The following SCHIP1 variants were observed in gnomAD, a reference collection of about 807,000 sequenced individuals.
The protein encoded by SCHIP1 is schwannomin interacting protein 1.
SCHIP1 carries 8 observed loss-of-function variants against 29.7 expected under a neutral mutation model. The observed-to-expected ratio is 0.27, with a 90% confidence interval of 0.16 to 0.49. The LOEUF (loss-of-function observed/expected upper bound fraction) is 0.49, where lower values mean the gene tolerates loss of function less well. SCHIP1 is among the 20% of genes least tolerant of loss of function. The pLI is 0.99. For missense variants in SCHIP1, 193 were observed against 294.6 expected (o/e 0.66, Z 2.52); for synonymous variants, 76 against 94.9 (o/e 0.80, Z 1.16).
chr3:159,329,352 T>C, the SCHIP1 span, among the ~76,000 whole-genome samples: 1 of 152,156 alleles, frequency 6.6e-6, no homozygotes, highest in Non-Finnish European at 1.5e-5. Context: ...GAATGAGTGC[T>C]TAAAAGCAGA....
the SCHIP1 span, among the ~76,000 whole-genome samples, chr3:159,778,808 G>A: frequency 6.6e-6 from 1 of 152,202 alleles, no homozygotes; most frequent in South Asian, 2.1e-4. Flanking sequence ...TGTCTCTGGA[G>A]AAGACAGATG....
the SCHIP1 span, among the ~76,000 whole-genome samples, chr3:159,713,206 AAGAG>A: frequency 5.9e-3 from 834 of 140,496 alleles, 16 homozygotes; most frequent in African/African-American, 0.02. Context: ...GAAAGAAAGA[AAGAG>A]AGAGAGAGAG....
the SCHIP1 span, among the ~76,000 whole-genome samples, chr3:159,374,587 G>A: frequency 6.6e-6 from 1 of 152,038 alleles, no homozygotes; most frequent in African/African-American, 2.4e-5. Context: ...ATCAATTCAT[G>A]CACCAAAAAT....
At chr3:159,364,353 A>G in the SCHIP1 span, among the ~76,000 whole-genome samples, 1 of 152,174 alleles carries the variant, frequency 6.6e-6, no homozygotes, top group Non-Finnish European at 1.5e-5. Flanking sequence ...TTTGTGGCCT[A>G]GAATATATGG....
chr3:159,794,987 A>G, the SCHIP1 span, among the ~76,000 whole-genome samples: 1 of 152,112 alleles, frequency 6.6e-6, no homozygotes, highest in Non-Finnish European at 1.5e-5. Context: ...GGGGACTCTG[A>G]CCTCTATCAC....
At chr3:159,318,070 C>G in the SCHIP1 span, among the ~76,000 whole-genome samples, 1 of 152,056 alleles carries the variant, frequency 6.6e-6, no homozygotes, top group Non-Finnish European at 1.5e-5. Context: ...GCTGCTGAGC[C>G]CATGTGTAAC....
At chr3:159,688,980 A>C in the SCHIP1 span, among the ~76,000 whole-genome samples, 1 of 152,154 alleles carries the variant, frequency 6.6e-6, no homozygotes, top group African/African-American at 2.4e-5. Flanking sequence ...TACCAGTACT[A>C]TGCTGTTTTG....
At chr3:159,284,432 TAATTAATACA>T in the SCHIP1 span, among the ~76,000 whole-genome samples, 1 of 152,204 alleles carries the variant, frequency 6.6e-6, no homozygotes, top group Non-Finnish European at 1.5e-5. Context: ...CTGTATTTTC[TAATTAATACA>T]CTTTGATATT....
At chr3:159,407,731 A>T in the SCHIP1 span, among the ~76,000 whole-genome samples, 1 of 152,252 alleles carries the variant, frequency 6.6e-6, no homozygotes, top group African/African-American at 2.4e-5. Context: ...AACAAGAAGA[A>T]GTCTGGAAAG....
At position 159,888,805 on chromosome 3, in the gene SCHIP1, C is replaced by T; in HGVS notation, c.466-15C>T. On this transcript the variant is annotated splice_polypyrimidine_tract_variant and intron_variant, in intron 4 of 6. Coordinates refer to ENST00000445224, the Ensembl canonical transcript of SCHIP1. Reference sequence around the variant, plus strand: ...CTCTGTTCACTCCTCCATTTCTTCTCCTTTGTATCTTCAGCTGCCACACAT... The same window carrying T: ...CTCTGTTCACTCCTCCATTTCTTCTTCTTTGTATCTTCAGCTGCCACACAT... 6.2e-7 allele frequency: 1 copy of T among 1,613,012 alleles called. No individual in the cohort carries two copies. The highest frequency in any genetic ancestry group is 8.5e-7 in the Non-Finnish European group (1 of 1,179,594).
chr3:159,418,751 T>G, the SCHIP1 span, among the ~76,000 whole-genome samples: 1 of 152,214 alleles, frequency 6.6e-6, no homozygotes, highest in Non-Finnish European at 1.5e-5. Flanking sequence ...GGACTGGAAG[T>G]GCAGGGCTTC....
chr3:159,617,883 C>A, the SCHIP1 span, among the ~76,000 whole-genome samples: 5 of 152,128 alleles, frequency 3.3e-5, no homozygotes, highest in South Asian at 2.1e-4. Context: ...GGAAACTTGA[C>A]CTTCATCCCT....
chr3:159,606,587 G>C, the SCHIP1 span, among the ~76,000 whole-genome samples: 2 of 152,156 alleles, frequency 1.3e-5, no homozygotes, highest in South Asian at 4.1e-4. Context: ...TAAGAGGTAT[G>C]GGCAGAGTTC....
At chr3:159,478,389 C>T in the SCHIP1 span, among the ~76,000 whole-genome samples, 1 of 152,148 alleles carries the variant, frequency 6.6e-6, no homozygotes, top group Non-Finnish European at 1.5e-5. Flanking sequence ...CAATTCACTG[C>T]AAATGTGTGG....
chr3:159,607,442 T>G, the SCHIP1 span, among the ~76,000 whole-genome samples: 2 of 152,024 alleles, frequency 1.3e-5, no homozygotes, highest in Non-Finnish European at 2.9e-5. Flanking sequence ...CAGAGATCGA[T>G]AAGGGAGGGA....
At chr3:159,295,302 G>T in the SCHIP1 span, among the ~76,000 whole-genome samples, 7 of 147,430 alleles carry the variant, frequency 4.7e-5, no homozygotes, top group African/African-American at 1.7e-4. Context: ...GGTGGTGTGC[G>T]CCTGTAGTCC....
the SCHIP1 span, among the ~76,000 whole-genome samples, chr3:159,310,091 G>A: frequency 2.6e-5 from 4 of 152,192 alleles, no homozygotes; most frequent in Admixed American, 1.3e-4. Context: ...CTTTAGGCAT[G>A]CCCAAGTCTG....
At chr3:159,764,424 C>G in the SCHIP1 span, 13 of 1,567,552 alleles carry the variant, frequency 8.3e-6, no homozygotes, top group Admixed American at 1.8e-5. The surrounding 1 kb of genome is among the most constrained non-coding windows in gnomAD (Gnocchi z 6.1). Flanking sequence ...GCAGCTCACT[C>G]TCTACCTCCT....
the SCHIP1 span, among the ~76,000 whole-genome samples, chr3:159,405,006 T>C: frequency 1.3e-5 from 2 of 152,180 alleles, no homozygotes; most frequent in Non-Finnish European, 1.5e-5. Flanking sequence ...GTAATGCAGA[T>C]GATTCCTCTA....
Sources: gnomAD v4.1 joint callset for allele counts (sites outside exome capture counted in the v4.1 genomes callset) on GRCh38, gnomAD v4.1.1 for gene constraint, Gnocchi (gnomAD v3.1) non-coding constraint, MANE v1.5 for transcripts, NCBI Gene and HGNC (gene_info 2026-07-23, HGNC 2026-07-21) for gene names.